The following RORA variants were observed in gnomAD, a reference collection of about 807,000 sequenced individuals.
The protein encoded by RORA is nuclear receptor ROR-alpha.
Under a neutral mutation model 69.5 loss-of-function variants are expected in RORA, and 7 were observed. That is an observed-to-expected ratio of 0.10 (90% CI 0.06 to 0.19). The LOEUF (loss-of-function observed/expected upper bound fraction) is 0.19, where lower values mean the gene tolerates loss of function less well. RORA is among the 10% of genes least tolerant of loss of function. The probability of loss-of-function intolerance (pLI) is 1.00; values close to 1 mark genes in which losing one functional copy is unlikely to be tolerated. For synonymous variants in RORA, 261 were observed against 240.8 expected, an observed-to-expected ratio of 1.08 and a Z score of -0.78; for missense variants, 457 against 663.0, an observed-to-expected ratio of 0.69 and a Z score of 3.41.
chr15:60,578,765 C>CTTTTTTTTTTT (rs768047660), intron 2 of RORA, among the ~76,000 whole-genome samples: 15 of 138,892 alleles, frequency 1.1e-4, no homozygotes, highest in African/African-American at 2.9e-4. Flanking sequence ...TTAAATGAAA[C>CTTTTTTTTTTT]TTTTTTTTTT....
At chr15:60,566,423 G>A (rs2067716057) in intron 2 of RORA, among the ~76,000 whole-genome samples, 1 of 152,114 alleles carries the variant, frequency 6.6e-6, no homozygotes, top group Non-Finnish European at 1.5e-5. Flanking sequence ...GGAAAGTTTG[G>A]TGTTAATGCA....
intron 1 of RORA, among the ~76,000 whole-genome samples, chr15:61,043,762 C>A (rs1184425703): frequency 1.3e-5 from 2 of 152,032 alleles, no homozygotes; most frequent in African/African-American, 4.8e-5. Context: ...AGGCAGGAGG[C>A]AAGGAAGCAA....
At chr15:60,731,676 C>T (rs1435233829) in intron 1 of RORA, among the ~76,000 whole-genome samples, 3 of 152,218 alleles carry the variant, frequency 2.0e-5, no homozygotes, top group African/African-American at 7.2e-5. Context: ...AACACTCCCA[C>T]TCCTTGTTTA....
chr15:60,522,851 C>G (rs1356071904), intron 3 of RORA, among the ~76,000 whole-genome samples: 5 of 150,678 alleles, frequency 3.3e-5, no homozygotes, highest in Non-Finnish European at 5.9e-5. Flanking sequence ...GTGGGCAGAT[C>G]ACGAGGTCAG....
chr15:60,944,823 G>C (rs1364510572), intron 1 of RORA, among the ~76,000 whole-genome samples: 1 of 151,984 alleles, frequency 6.6e-6, no homozygotes, highest in Non-Finnish European at 1.5e-5. Context: ...AGCAACAAGA[G>C]TGACACTTAA....
intron 3 of RORA, among the ~76,000 whole-genome samples, chr15:60,523,585 T>C (rs1312715773): frequency 6.6e-6 from 1 of 152,214 alleles, no homozygotes; most frequent in African/African-American, 2.4e-5. Flanking sequence ...CAGCTCTCCA[T>C]CACGTTGTTT....
Position 60,514,596 on chromosome 15 carries a change from C to T in RORA, c.424+20G>A, listed in dbSNP as rs1181479583. The T allele has an allele frequency of 6.2e-7, 1 of 1,613,308 alleles. No homozygotes were observed. The highest frequency in any genetic ancestry group is 8.5e-7 in the Non-Finnish European group (1 of 1,179,458). ...TTCACAACCCCGTGCAACTGTACAA[C>T]TCAAGCTGTGAGAGCTCACCATCTC... is the stretch of plus-strand genomic sequence containing the variant. On this transcript the variant is annotated intron_variant, in intron 4 of 10. Coordinates refer to ENST00000335670, the MANE Select transcript of RORA (RefSeq NM_134261.3).
At chr15:60,904,233 T>C (rs1023239143) in intron 1 of RORA, among the ~76,000 whole-genome samples, 1 of 152,240 alleles carries the variant, frequency 6.6e-6, no homozygotes, top group African/African-American at 2.4e-5. Flanking sequence ...CGTTTTTCTT[T>C]ATGATATGAG....
At chr15:60,904,700 A>G (rs1891482739) in intron 1 of RORA, among the ~76,000 whole-genome samples, 1 of 152,182 alleles carries the variant, frequency 6.6e-6, no homozygotes, top group Non-Finnish European at 1.5e-5. Context: ...TACTCTATTC[A>G]AACTACCCAT....
At chr15:60,987,639 C>T (rs1023478689) in intron 1 of RORA, among the ~76,000 whole-genome samples, 22 of 152,276 alleles carry the variant, frequency 1.4e-4, no homozygotes, top group Admixed American at 1.2e-3. Context: ...TTGGGGATTT[C>T]ATCGTCTCCC....
At chr15:60,865,975 T>C (rs1445926588) in intron 1 of RORA, among the ~76,000 whole-genome samples, 2 of 151,374 alleles carry the variant, frequency 1.3e-5, no homozygotes, top group African/African-American at 4.9e-5. Context: ...TTACATGTGA[T>C]ATTTTGATAC....
intron 1 of RORA, among the ~76,000 whole-genome samples, chr15:61,013,808 G>T (rs904797146): frequency 2.5e-5 from 3 of 121,438 alleles, no homozygotes; most frequent in Admixed American, 1.9e-4. Context: ...TTTTTGGAGG[G>T]TGTCTCGCTC....
At chr15:61,168,620 G>A (rs950023992) in intron 1 of RORA, among the ~76,000 whole-genome samples, 4 of 151,816 alleles carry the variant, frequency 2.6e-5, no homozygotes, top group Non-Finnish European at 5.9e-5. Context: ...CTTAATGAGC[G>A]CTAGATCACA....
intron 2 of RORA, among the ~76,000 whole-genome samples, chr15:60,655,758 C>T (rs1441818988): frequency 6.6e-6 from 1 of 152,170 alleles, no homozygotes; most frequent in Non-Finnish European, 1.5e-5. Flanking sequence ...CAACCTCAGA[C>T]ACAGACACAT....
At chr15:60,678,880 A>T (rs976392037) in intron 1 of RORA, among the ~76,000 whole-genome samples, 194 bp from the exon 2 acceptor site, 4 of 152,210 alleles carry the variant, frequency 2.6e-5, no homozygotes, top group Admixed American at 6.5e-5. Flanking sequence ...TGAGGCAGCG[A>T]CCATCACCTC....
intron 1 of RORA, among the ~76,000 whole-genome samples, chr15:60,827,413 T>A (rs1039649535): frequency 1.3e-5 from 2 of 152,226 alleles, no homozygotes; most frequent in Non-Finnish European, 2.9e-5. Context: ...AATGAACTCA[T>A]TTGTTTATTT....
At chr15:60,606,287 A>G (rs890133107) in intron 2 of RORA, among the ~76,000 whole-genome samples, 1 of 152,242 alleles carries the variant, frequency 6.6e-6, no homozygotes, top group Non-Finnish European at 1.5e-5. Context: ...GAACGAATGA[A>G]TGAATTAAAG....
At chr15:60,580,965 T>C (rs2068175024) in intron 2 of RORA, among the ~76,000 whole-genome samples, 1 of 152,224 alleles carries the variant, frequency 6.6e-6, no homozygotes, top group African/African-American at 2.4e-5. Context: ...TCCTGCTGAT[T>C]ACCACACTAT....
intron 1 of RORA, among the ~76,000 whole-genome samples, chr15:60,698,927 T>C (rs906396212): frequency 2.6e-5 from 4 of 152,166 alleles, no homozygotes; most frequent in African/African-American, 7.2e-5. Context: ...TCCTCTTTTG[T>C]TAATCGCCTG....
Sources: allele counts gnomAD v4.1 joint callset (sites outside exome capture counted in the v4.1 genomes callset), GRCh38; gene constraint gnomAD v4.1.1; transcripts MANE v1.5; gene names NCBI Gene and HGNC (gene_info 2026-07-23, HGNC 2026-07-21).